Variants in KDM6A observed in about 807,000 individuals in gnomAD.
The protein encoded by KDM6A is lysine-specific demethylase 6A.
Under a neutral mutation model 117.6 loss-of-function variants are expected in KDM6A, and 11 were observed. That is an observed-to-expected ratio of 0.09 (90% CI 0.06 to 0.15). KDM6A has a LOEUF of 0.15. KDM6A is among the 10% of genes least tolerant of loss of function. The pLI is 1.00. For synonymous variants in KDM6A, 384 were observed against 396.1 expected (o/e 0.97, Z 0.36); for missense variants, 799 against 1,077.3 (o/e 0.74, Z 3.62).
intron 14 of KDM6A, 134 bp from the exon 15 acceptor site, chrX:45,061,190 A>G: frequency 2.6e-6 from 1 of 391,020 alleles, no homozygotes; most frequent in Non-Finnish European, 4.5e-6. Flanking sequence ...TTTTTTAAAG[A>G]ATTTAATGTT....
intron 4 of KDM6A, among the ~76,000 whole-genome samples, chrX:45,001,675 G>A (rs979576290): frequency 1.8e-5 from 2 of 111,747 alleles, no homozygotes; most frequent in African/African-American, 6.5e-5. Flanking sequence ...GCAATAGAAC[G>A]GGGAAAGAAG....
At chrX:45,076,638 T>G in intron 18 of KDM6A, 59 bp from the exon 19 acceptor site, 1 of 880,042 alleles carries the variant, frequency 1.1e-6, no homozygotes, top group Non-Finnish European at 1.6e-6. Flanking sequence ...GATTCTTTTT[T>G]TTTTTTTCTG....
intron 2 of KDM6A, among the ~76,000 whole-genome samples, chrX:44,906,365 G>A (rs184601974): frequency 5.5e-5 from 6 of 109,898 alleles, no homozygotes; most frequent in African/African-American, 2.0e-4. Flanking sequence ...TGCCCAAGGT[G>A]GTCTTGAACT....
chrX:45,058,080 C>CA (rs1399336548), intron 10 of KDM6A, among the ~76,000 whole-genome samples: 10 of 76,074 alleles, frequency 1.3e-4, no homozygotes, highest in African/African-American at 4.8e-4. Flanking sequence ...TACTCTCCCC[C>CA]CCCCCCCTTT....
intron 2 of KDM6A, among the ~76,000 whole-genome samples, chrX:44,928,765 G>T (rs2036450414): frequency 9.0e-6 from 1 of 110,817 alleles, no homozygotes; most frequent in African/African-American, 3.3e-5. Flanking sequence ...CAGTTATCTG[G>T]GTGGTAGTTG....
intron 19 of KDM6A, among the ~76,000 whole-genome samples, chrX:45,078,010 G>C (rs78401603): frequency 8.9e-6 from 1 of 111,828 alleles, no homozygotes; most frequent in Non-Finnish European, 1.9e-5. Flanking sequence ...TCATGTAAGT[G>C]GAACCATACA....
At chrX:44,907,140 A>G (rs1290043191) in intron 2 of KDM6A, among the ~76,000 whole-genome samples, 2 of 112,008 alleles carry the variant, frequency 1.8e-5, no homozygotes, top group Non-Finnish European at 3.8e-5. Flanking sequence ...GCTGTTCACT[A>G]TGGTTACTTT....
chrX:45,092,934 A>G (rs2045950890), intron 27 of KDM6A, among the ~76,000 whole-genome samples: 1 of 111,115 alleles, frequency 9.0e-6, no homozygotes, highest in Admixed American at 9.6e-5. Flanking sequence ...TGAATGAGAG[A>G]AAGGAAGAGT....
intron 5 of KDM6A, among the ~76,000 whole-genome samples, chrX:45,012,570 C>T (rs754483609): frequency 6.3e-5 from 7 of 110,921 alleles, no homozygotes; most frequent in African/African-American, 9.9e-5. Context: ...TTTAAGCTCA[C>T]GGGTGAGTTC....
chrX:45,067,895 G>T (rs2148021481), intron 17 of KDM6A, among the ~76,000 whole-genome samples: 1 of 110,585 alleles, frequency 9.0e-6, no homozygotes, highest in African/African-American at 3.3e-5. Context: ...TAGGTGATCT[G>T]CCTGCCTTGG....
intron 2 of KDM6A, among the ~76,000 whole-genome samples, chrX:44,881,200 C>T (rs1356074664): frequency 1.8e-5 from 2 of 112,528 alleles, no homozygotes; most frequent in Non-Finnish European, 3.8e-5. Context: ...TTTGGGAGGC[C>T]GAGGCGGGCA....
chrX:44,915,159 G>A (rs1452449560), intron 2 of KDM6A, among the ~76,000 whole-genome samples: 1 of 111,514 alleles, frequency 9.0e-6, no homozygotes, highest in Non-Finnish European at 1.9e-5. Context: ...GTGATAATAC[G>A]GTGAATATGT....
At chrX:44,911,344 C>T (rs1342408555) in intron 2 of KDM6A, among the ~76,000 whole-genome samples, 2 of 107,095 alleles carry the variant, frequency 1.9e-5, no homozygotes, top group Non-Finnish European at 3.9e-5. Context: ...CTCCTCACTT[C>T]TCAGACGGGG....
chrX:45,075,527 C>A (rs1188521955), intron 18 of KDM6A, among the ~76,000 whole-genome samples: 3 of 111,129 alleles, frequency 2.7e-5, no homozygotes, highest in African/African-American at 9.8e-5. Flanking sequence ...AAATGTAAAT[C>A]ATTCCTTTGA....
At chrX:45,037,830 C>T (rs2042882647) in intron 8 of KDM6A, 141 bp downstream of exon 8, 4 of 485,533 alleles carry the variant, frequency 8.2e-6, no homozygotes, top group South Asian at 3.2e-5. Context: ...GTATTTTATA[C>T]TCATTAAATG....
At chrX:44,902,648 A>AT (rs1489699263) in intron 2 of KDM6A, among the ~76,000 whole-genome samples, 1 of 112,220 alleles carries the variant, frequency 8.9e-6, no homozygotes, top group African/African-American at 3.2e-5. Context: ...TCGGCCTCCC[A>AT]AAGTGCTGGG....
At chrX:44,976,449 T>C (rs922228674) in intron 4 of KDM6A, among the ~76,000 whole-genome samples, 6 of 111,245 alleles carry the variant, frequency 5.4e-5, no homozygotes, top group Non-Finnish European at 9.4e-5. Context: ...AATCCATGGA[T>C]ACTCAAGTTC....
intron 4 of KDM6A, among the ~76,000 whole-genome samples, chrX:44,988,847 T>C (rs1444154603): frequency 9.0e-6 from 1 of 111,042 alleles, no homozygotes; most frequent in African/African-American, 3.3e-5. Flanking sequence ...GTTAGGCTAC[T>C]CGGGGGTCAG....
At chrX:45,068,592 G>T (rs1400290342) in intron 17 of KDM6A, among the ~76,000 whole-genome samples, 1 of 104,209 alleles carries the variant, frequency 9.6e-6, no homozygotes. Flanking sequence ...GAGACACAAG[G>T]TTCTGCTCTG....
Sources: gnomAD v4.1 joint callset for allele counts (sites outside exome capture counted in the v4.1 genomes callset) on GRCh38, gnomAD v4.1.1 for gene constraint, MANE v1.5 for transcripts, NCBI Gene and HGNC (gene_info 2026-07-23, HGNC 2026-07-21) for gene names.